Variants in OR1B1 observed in about 807,000 individuals in gnomAD.
OR1B1 encodes the protein olfactory receptor family 1 subfamily B member 1.
For missense variants in OR1B1, 414 were observed against 402.1 expected (o/e 1.03, Z -0.25); for synonymous variants, 168 against 156.2 (o/e 1.08, Z -0.57).
chr9:122,643,662 C>A, the OR1B1 span, among the ~76,000 whole-genome samples: 2 of 152,200 alleles, frequency 1.3e-5, no homozygotes, highest in African/African-American at 4.8e-5. Context: ...TGGCGCCATA[C>A]CTCCTCCAAA....
At position 122,629,560 on chromosome 9, in the gene OR1B1, GAC is replaced by G. The variant is rs749821956; in HGVS notation, c.-27_-26del. ...TGAGTGACAGTCAGCCTGCCTGAAA[GAC>G]AGTTTAAGTCAAAAAGAAAGTCATG... On this transcript the variant is annotated 5_prime_UTR_variant, in exon 1 of 1. Coordinates refer to ENST00000623530, the Ensembl canonical transcript of OR1B1. 5.5e-6 allele frequency: 8 copies of G among 1,449,414 alleles called. No homozygotes were observed. In the African/African-American group the frequency reaches 1.1e-4, roughly 20 times the overall value. 89.8% of individuals were successfully genotyped at this position (1,449,414 alleles called of 1,614,324 possible). A position where few individuals can be genotyped will look rare whatever the true frequency, so the allele number is the denominator to read the frequency against.
At chr9:122,631,798 C>A (rs932937079), upstream of OR1B1, among the ~76,000 whole-genome samples, 4 of 151,974 alleles carry the variant, frequency 2.6e-5, no homozygotes, top group Non-Finnish European at 4.4e-5. Context: ...AACAGGAAAA[C>A]ACACACACAC....
chr9:122,643,189 T>C, the OR1B1 span, among the ~76,000 whole-genome samples: 1 of 152,150 alleles, frequency 6.6e-6, no homozygotes, highest in South Asian at 2.1e-4. Flanking sequence ...TTTAACTCCA[T>C]ATCATGGAAG....
the OR1B1 span, among the ~76,000 whole-genome samples, chr9:122,644,792 C>T: frequency 6.6e-6 from 1 of 152,164 alleles, no homozygotes; most frequent in Non-Finnish European, 1.5e-5. Context: ...GGCTCAGGTC[C>T]CTTCCCTGGA....
chr9:122,651,732 A>G, the OR1B1 span, among the ~76,000 whole-genome samples: 3 of 152,364 alleles, frequency 2.0e-5, no homozygotes, highest in African/African-American at 4.8e-5. Flanking sequence ...CAATTTGCAG[A>G]AAAATAAAAC....
chr9:122,650,780 T>C, the OR1B1 span, among the ~76,000 whole-genome samples: 1 of 152,020 alleles, frequency 6.6e-6, no homozygotes, highest in Non-Finnish European at 1.5e-5. Context: ...TCCCAGCACT[T>C]TGGGAAGCTG....
At chr9:122,642,236 C>T in the OR1B1 span, among the ~76,000 whole-genome samples, 1 of 152,152 alleles carries the variant, frequency 6.6e-6, no homozygotes, top group Admixed American at 6.5e-5. Context: ...TGGTGTTCAA[C>T]AGGAATAGAT....
At chr9:122,645,527 C>G in the OR1B1 span, among the ~76,000 whole-genome samples, 1 of 151,820 alleles carries the variant, frequency 6.6e-6, no homozygotes, top group Non-Finnish European at 1.5e-5. Context: ...AAAAAGGATC[C>G]TAAAAGAAAC....
At chr9:122,640,415 C>A in the OR1B1 span, among the ~76,000 whole-genome samples, 1 of 152,002 alleles carries the variant, frequency 6.6e-6, no homozygotes, top group Non-Finnish European at 1.5e-5. Context: ...GTTGAAAATA[C>A]AATACCTAAT....
At chr9:122,632,225 A>T (rs574724226), upstream of OR1B1, among the ~76,000 whole-genome samples, 70 of 152,318 alleles carry the variant, frequency 4.6e-4, 1 homozygote, top group South Asian at 0.014. Flanking sequence ...CCAATCTGTT[A>T]AGGAATATAC....
chr9:122,640,177 C>T, the OR1B1 span, among the ~76,000 whole-genome samples: 2 of 151,998 alleles, frequency 1.3e-5, no homozygotes, highest in Non-Finnish European at 2.9e-5. Context: ...TATTATTATC[C>T]ACTATCCCCC....
chr9:122,640,392 T>C, the OR1B1 span, among the ~76,000 whole-genome samples: 1 of 152,184 alleles, frequency 6.6e-6, no homozygotes, highest in African/African-American at 2.4e-5. Context: ...ATGCTGATTA[T>C]TCTACAGTTC....
the OR1B1 span, among the ~76,000 whole-genome samples, chr9:122,649,870 A>G: frequency 3.9e-5 from 6 of 152,282 alleles, no homozygotes; most frequent in South Asian, 2.1e-4. Context: ...AACTAGAAAT[A>G]CCATTTGACC....
the OR1B1 span, among the ~76,000 whole-genome samples, chr9:122,649,853 G>A: frequency 6.6e-6 from 1 of 152,102 alleles, no homozygotes; most frequent in East Asian, 1.9e-4. Context: ...ATTCCTCAAG[G>A]ATCTAGAACT....
the OR1B1 span, among the ~76,000 whole-genome samples, chr9:122,654,487 A>G: frequency 1.3e-5 from 2 of 152,086 alleles, no homozygotes; most frequent in Admixed American, 1.3e-4. Context: ...TTTTGACAAT[A>G]TTTTTGTTTT....
chr9:122,644,480 C>CT, the OR1B1 span, among the ~76,000 whole-genome samples: 1 of 152,320 alleles, frequency 6.6e-6, no homozygotes, highest in South Asian at 2.1e-4. Context: ...CTTTTGAACT[C>CT]TAATCCCTGG....
At chr9:122,632,615 C>T (rs1384840875), upstream of OR1B1, among the ~76,000 whole-genome samples, 1 of 152,116 alleles carries the variant, frequency 6.6e-6, no homozygotes, top group East Asian at 1.9e-4. Flanking sequence ...TTGTATCATT[C>T]TTTTCCCTTT....
the OR1B1 span, among the ~76,000 whole-genome samples, chr9:122,647,979 T>C: frequency 0.017 from 2,594 of 152,346 alleles, 30 homozygotes; most frequent in Middle Eastern, 0.031. Flanking sequence ...TTTCTCCTTA[T>C]ATGCTTTGTT....
At chr9:122,652,137 ATC>A in the OR1B1 span, among the ~76,000 whole-genome samples, 1 of 152,240 alleles carries the variant, frequency 6.6e-6, no homozygotes, top group Non-Finnish European at 1.5e-5. Flanking sequence ...ATTTTTCAAT[ATC>A]TGTCATGAGT....
Sources: allele counts gnomAD v4.1 joint callset (sites outside exome capture counted in the v4.1 genomes callset), GRCh38; gene constraint gnomAD v4.1.1; transcripts MANE v1.5; gene names NCBI Gene and HGNC (gene_info 2026-07-23, HGNC 2026-07-21).